The following ACTR3 variants were observed in gnomAD, a reference collection of about 807,000 sequenced individuals.
ACTR3 encodes the protein actin-related protein 3.
In ACTR3, 12 loss-of-function variants were observed where a neutral mutation model predicts 56.8. That is an observed-to-expected ratio of 0.21 (90% CI 0.14 to 0.34). The LOEUF is 0.34. Ranked by LOEUF, ACTR3 falls within the 10% of genes least tolerant of loss-of-function variation. ACTR3 has a pLI of 1.00. For missense variants in ACTR3, 282 were observed against 512.5 expected (o/e 0.55, Z 4.34); for synonymous variants, 162 against 167.4 (o/e 0.97, Z 0.25).
chr2:113,915,683 C>A (rs1679391596), intron 2 of ACTR3, among the ~76,000 whole-genome samples: 1 of 152,064 alleles, frequency 6.6e-6, no homozygotes, highest in South Asian at 2.1e-4. Flanking sequence ...TGTTGGAGGC[C>A]TATATAATCT....
Position 113,956,043 on chromosome 2 carries a change from C to T in ACTR3, c.1161+337C>T, listed in dbSNP as rs1680206137. On this transcript the variant is annotated intron_variant, in intron 11 of 11. Coordinates refer to ENST00000263238, the MANE Select transcript of ACTR3 (RefSeq NM_005721.5). ...GGGTTTACAGGTGTGAGCCACTGCT[C>T]CTGGCCTTTATTATTATTATTATTT... 2.0e-5 allele frequency among the ~76,000 whole-genome samples: 3 copies of T among 152,088 alleles called. No homozygotes were observed. In the South Asian group the frequency reaches 6.2e-4, roughly 32 times the overall value.
chr2:113,932,036 T>G (rs1679732309), intron 5 of ACTR3, among the ~76,000 whole-genome samples: 1 of 152,208 alleles, frequency 6.6e-6, no homozygotes, highest in African/African-American at 2.4e-5. Flanking sequence ...GAAGGCACTT[T>G]ATTCATAATT....
In ACTR3 at chr2:113,918,814, A is replaced by T. The variant is rs559611064; in HGVS notation, c.225+1806A>T. On this transcript the variant is annotated intron_variant, in intron 3 of 11. Coordinates refer to ENST00000263238, the MANE Select transcript of ACTR3 (RefSeq NM_005721.5). The stretch of plus-strand genomic sequence containing the variant: ...AAAGATTACTCAGGCCACATAGACA[A>T]TGAAGAGAAATTATTTGGGTAAGGT... Among the ~76,000 whole-genome samples, 80 of 152,346 alleles carry T rather than the reference A, an allele frequency of 5.3e-4. 2 individuals carry two copies. The highest frequency in any genetic ancestry group is 1.6e-3 in the African/African-American group (65 of 41,582).
intron 3 of ACTR3, among the ~76,000 whole-genome samples, 162 bp downstream of exon 3, chr2:113,917,170 T>G (rs890926354): frequency 2.7e-5 from 4 of 149,686 alleles, no homozygotes; most frequent in Non-Finnish European, 4.5e-5. Flanking sequence ...TTGCTTTAAC[T>G]TTTTTTTTTC....
At chr2:113,928,523 A>G (rs1485176488) in intron 4 of ACTR3, among the ~76,000 whole-genome samples, 1 of 152,114 alleles carries the variant, frequency 6.6e-6, no homozygotes, top group Non-Finnish European at 1.5e-5. Context: ...GGGTTTGGCA[A>G]ACTTTCTAAG....
chr2:113,897,265 G>A lies in ACTR3; in HGVS notation c.44+6942G>A, dbSNP rs562676992. 1.5e-3 allele frequency among the ~76,000 whole-genome samples: 225 copies of A among 152,120 alleles called. 1 individual carries two copies. Among genetic ancestry groups the A allele is most frequent in the Non-Finnish European group, 2.8e-3 (192 of 67,982 alleles). Reference sequence around the variant, plus strand: ...ATAGGATAGTGACTAATATTAGTTTGTGTGCTGATTTTATAACTTTATATG... The same window carrying A: ...ATAGGATAGTGACTAATATTAGTTTATGTGCTGATTTTATAACTTTATATG... On this transcript the variant is annotated intron_variant, in intron 1 of 11. Transcript: ENST00000263238.
chr2:113,902,364 C>CT lies in ACTR3; in HGVS notation c.45-10797dup, dbSNP rs879472838. Among the ~76,000 whole-genome samples the CT allele has an allele frequency of 8.6e-3, 1,235 of 144,008 alleles. 15 individuals are homozygous for CT. The highest frequency in any genetic ancestry group is 0.025 in the African/African-American group (1,008 of 39,620). 94.5% of individuals were successfully genotyped at this position (144,008 alleles called of 152,430 possible). ...TCCTTTCTCTAAGCAAGTTGTTTTTCTTTTTTTTTTTATGTAAAATGATGT... is the reference window on the plus strand; with the variant it reads ...TCCTTTCTCTAAGCAAGTTGTTTTTCTTTTTTTTTTTTATGTAAAATGATGT... On this transcript the variant is annotated intron_variant, in intron 1 of 11. Transcript: ENST00000263238.
At chr2:113,949,313 G>A (rs551233322) in intron 8 of ACTR3, among the ~76,000 whole-genome samples, 302 of 149,076 alleles carry the variant, frequency 2.0e-3, no homozygotes, top group African/African-American at 7.2e-3. Context: ...AGGAGGCAGA[G>A]GTTGCAGTGA....
intron 8 of ACTR3, among the ~76,000 whole-genome samples, chr2:113,943,879 G>A (rs10199857): frequency 0.058 from 8,836 of 152,244 alleles, 753 homozygotes; most frequent in African/African-American, 0.18. Context: ...CAAAGGAAGA[G>A]GTTGGCTGAG....
intron 1 of ACTR3, among the ~76,000 whole-genome samples, chr2:113,907,730 TGA>T (rs1240702999): frequency 6.6e-6 from 1 of 152,062 alleles, no homozygotes; most frequent in African/African-American, 2.4e-5. Context: ...CCCAGCACTT[TGA>T]GAGGCTGAGG....
At chr2:113,933,677 A>ATTTTTTT (rs1167918809) in intron 5 of ACTR3, among the ~76,000 whole-genome samples, 47 of 123,842 alleles carry the variant, frequency 3.8e-4, no homozygotes, top group African/African-American at 5.2e-4. Flanking sequence ...GTTCTATACA[A>ATTTTTTT]TTTTTTTTTT....
At chr2:113,895,836 T>C (rs1041134187) in intron 1 of ACTR3, among the ~76,000 whole-genome samples, 2 of 152,186 alleles carry the variant, frequency 1.3e-5, no homozygotes. Flanking sequence ...ATCTGTAATT[T>C]GGAGATGATA....
intron 8 of ACTR3, among the ~76,000 whole-genome samples, chr2:113,945,977 T>C (rs780964053): frequency 2.0e-5 from 3 of 152,234 alleles, no homozygotes; most frequent in Non-Finnish European, 2.9e-5. Context: ...CATGACCTCA[T>C]TCTTTTTTAT....
chr2:113,929,185 C>G (rs1226197079), intron 4 of ACTR3, among the ~76,000 whole-genome samples: 1 of 151,030 alleles, frequency 6.6e-6, no homozygotes, highest in Admixed American at 6.6e-5. Context: ...CTCTGTTGCT[C>G]AGGCTGGAAT....
At position 113,961,109 on chromosome 2, in the gene ACTR3, CATT is replaced by C. The variant is rs1013000547; in HGVS notation, c.*3655_*3657del. The C allele has an allele frequency of 2.3e-4, 35 of 152,074 alleles. No homozygotes were observed. Among genetic ancestry groups the C allele is most frequent in the African/African-American group, 7.2e-4 (30 of 41,556 alleles). 9.4% of individuals were successfully genotyped at this position (152,074 alleles called of 1,614,324 possible). ...TCAGTGAAAAAGAATTTCTGCTACT[CATT>C]GTTGATAACGCTTCAGTACTGTATA... On this transcript the variant is annotated 3_prime_UTR_variant, in exon 12 of 12. Coordinates refer to ENST00000263238, the MANE Select transcript of ACTR3 (RefSeq NM_005721.5).
At chr2:113,893,326 G>A (rs1488526160) in intron 1 of ACTR3, among the ~76,000 whole-genome samples, 1 of 151,286 alleles carries the variant, frequency 6.6e-6, no homozygotes, top group Non-Finnish European at 1.5e-5. Flanking sequence ...ATGGAGTCTT[G>A]CCCTGTCGCT....
At chr2:113,923,131 AT>A in intron 3 of ACTR3, among the ~76,000 whole-genome samples, 1 of 152,266 alleles carries the variant, frequency 6.6e-6, no homozygotes, top group Middle Eastern at 3.4e-3. Flanking sequence ...CTCAATCTTT[AT>A]TCCTACCTTC....
intron 6 of ACTR3, among the ~76,000 whole-genome samples, chr2:113,938,381 A>G (rs1679866204): frequency 6.6e-6 from 1 of 152,072 alleles, no homozygotes; most frequent in African/African-American, 2.4e-5. Flanking sequence ...GGCACTCTAT[A>G]CATTGTTGTG....
intron 4 of ACTR3, among the ~76,000 whole-genome samples, chr2:113,928,310 C>T (rs968154609): frequency 1.3e-5 from 2 of 152,204 alleles, no homozygotes; most frequent in African/African-American, 2.4e-5. Flanking sequence ...GCTATAATTG[C>T]TTCATGACGT....
Sources: gnomAD v4.1 joint callset for allele counts (sites outside exome capture counted in the v4.1 genomes callset) on GRCh38, gnomAD v4.1.1 for gene constraint, MANE v1.5 for transcripts, NCBI Gene and HGNC (gene_info 2026-07-23, HGNC 2026-07-21) for gene names.